Variants in STXBP5L observed in about 807,000 individuals in gnomAD.
STXBP5L encodes the protein syntaxin-binding protein 5-like.
A neutral mutation model predicts 144.5 loss-of-function variants in STXBP5L; 65 were observed. That is an observed-to-expected ratio of 0.45 (90% confidence interval 0.37 to 0.55). STXBP5L has a LOEUF of 0.55. Ranked by LOEUF, STXBP5L falls within the 20% of genes least tolerant of loss-of-function variation. STXBP5L has a pLI of 0.00. For missense variants in STXBP5L, 1,298 were observed against 1,405.5 expected (o/e 0.92, Z 1.22); for synonymous variants, 505 against 469.6 (o/e 1.08, Z -0.97).
chr3:121,090,635 G>C (rs969243779), intron 5 of STXBP5L, among the ~76,000 whole-genome samples: 2 of 152,060 alleles, frequency 1.3e-5, no homozygotes, highest in Admixed American at 1.3e-4. Flanking sequence ...ATACAGATCT[G>C]AATTGTCTAA....
At chr3:121,355,077 CT>C (rs2045455064) in intron 20 of STXBP5L, among the ~76,000 whole-genome samples, 1 of 152,174 alleles carries the variant, frequency 6.6e-6, no homozygotes, top group Non-Finnish European at 1.5e-5. Flanking sequence ...GATGGGCTTT[CT>C]TTTGTGGGTA....
chr3:121,283,192 A>G (rs578072538), intron 19 of STXBP5L, among the ~76,000 whole-genome samples: 5 of 152,158 alleles, frequency 3.3e-5, no homozygotes, highest in African/African-American at 1.2e-4. Context: ...ACACTCACAC[A>G]TATATGTTGT....
chr3:121,338,166 C>G (rs2044571993), intron 20 of STXBP5L, among the ~76,000 whole-genome samples: 1 of 151,902 alleles, frequency 6.6e-6, no homozygotes, highest in African/African-American at 2.4e-5. Flanking sequence ...AAGAACAAAC[C>G]AAACCCAAAG....
chr3:121,028,879 G>A (rs988066825), intron 3 of STXBP5L, among the ~76,000 whole-genome samples: 9 of 151,922 alleles, frequency 5.9e-5, no homozygotes, highest in Non-Finnish European at 1.5e-5. Flanking sequence ...GCTAACAATA[G>A]AAACTAGTTG....
At chr3:121,413,124 CATATG>C in intron 23 of STXBP5L, 29 bp from the exon 24 acceptor site, 4 of 1,498,378 alleles carry the variant, frequency 2.7e-6, no homozygotes, top group African/African-American at 1.4e-5. Context: ...TAACAACCTG[CATATG>C]ATATATGGAT....
chr3:120,978,654 A>T (rs1022983807), intron 3 of STXBP5L, among the ~76,000 whole-genome samples: 3 of 132,434 alleles, frequency 2.3e-5, no homozygotes, highest in Non-Finnish European at 5.1e-5. Context: ...TTCTGCTCTG[A>T]TTTTTCCCCA....
At chr3:121,023,103 A>G (rs950364418) in intron 3 of STXBP5L, among the ~76,000 whole-genome samples, 7 of 152,158 alleles carry the variant, frequency 4.6e-5, no homozygotes, top group Non-Finnish European at 1.5e-5. Context: ...CTATACACCA[A>G]CAGTTACCAA....
chr3:120,968,969 A>T (rs1022743464), intron 3 of STXBP5L, among the ~76,000 whole-genome samples: 1 of 151,984 alleles, frequency 6.6e-6, no homozygotes, highest in Non-Finnish European at 1.5e-5. Flanking sequence ...TTAGTTCCAT[A>T]TCTTTGCAAT....
At chr3:120,971,764 G>A (rs1265280174) in intron 3 of STXBP5L, among the ~76,000 whole-genome samples, 1 of 130,978 alleles carries the variant, frequency 7.6e-6, no homozygotes, top group Non-Finnish European at 1.6e-5. Flanking sequence ...TTTTATATAT[G>A]TGTATATATG....
intron 20 of STXBP5L, among the ~76,000 whole-genome samples, chr3:121,346,151 G>C (rs980047465): frequency 1.5e-5 from 2 of 137,456 alleles, no homozygotes; most frequent in Non-Finnish European, 3.0e-5. Flanking sequence ...TTCCCTTCCT[G>C]TGTCCATGTG....
At chr3:120,917,609 C>A (rs1451804684) in intron 2 of STXBP5L, among the ~76,000 whole-genome samples, 2 of 151,912 alleles carry the variant, frequency 1.3e-5, no homozygotes, top group African/African-American at 2.4e-5. Context: ...GGGGAGGAAC[C>A]CTTCAGGATA....
chr3:120,933,070 T>C (rs1338525581), intron 2 of STXBP5L, among the ~76,000 whole-genome samples: 1 of 146,540 alleles, frequency 6.8e-6, no homozygotes, highest in Non-Finnish European at 1.5e-5. Context: ...GGGGGAGGGA[T>C]AGCATTAGGA....
chr3:121,114,931 T>G lies in STXBP5L; in HGVS notation c.477T>G (p.Thr159=), dbSNP rs561449183. 4.6e-6 allele frequency: 7 copies of G among 1,527,576 alleles called. No homozygotes were observed. Among genetic ancestry groups the G allele is most frequent in the African/African-American group, 1.4e-5 (1 of 71,040 alleles). The allele number at this position is 1,527,576 out of a possible 1,614,324, so 94.6% of individuals were successfully genotyped here. A position where few individuals can be genotyped will look rare whatever the true frequency, so the allele number is the denominator to read the frequency against. ...HSLKFNRERI[T]YCHLPFQSKW... is the part of the protein sequence containing the mutation. The stretch of plus-strand genomic sequence containing the variant: ...ATAATTTTCTTTCTTTCAGAATTAC[T>G]TACTGTCATCTACCTTTCCAGAGTA... The change falls in exon 6 of 27, where the codon ACT becomes ACG. Residue 159 remains threonine, a synonymous_variant. Coordinates refer to ENST00000471454, the MANE Select transcript of STXBP5L (RefSeq NM_001308330.2).
intron 20 of STXBP5L, among the ~76,000 whole-genome samples, chr3:121,347,576 C>T (rs1402030701): frequency 2.0e-5 from 3 of 152,130 alleles, no homozygotes. Context: ...GATATTGATT[C>T]TTCCTACCCA....
rs941270840 is a variant in STXBP5L at position 121,300,153 on chromosome 3, A to G, written c.2111-18322A>G. ...TTTTCCATCAGAAATAATTGAAGCT[A>G]GAGACAACATAATGACGTCTTTTAA... On this transcript the variant is annotated intron_variant, in intron 19 of 26. Coordinates refer to ENST00000471454, the MANE Select transcript of STXBP5L (RefSeq NM_001308330.2). Among the ~76,000 whole-genome samples, 4 of 152,248 alleles carry G rather than the reference A, an allele frequency of 2.6e-5. No homozygotes were observed. In the South Asian group the frequency reaches 8.3e-4, roughly 32 times the overall value.
chr3:121,211,691 GC>G (rs1203370293), intron 10 of STXBP5L, among the ~76,000 whole-genome samples: 1 of 145,736 alleles, frequency 6.9e-6, no homozygotes, highest in African/African-American at 2.6e-5. Flanking sequence ...CGATTCTCCT[GC>G]CCCAGCGTCC....
intron 18 of STXBP5L, among the ~76,000 whole-genome samples, chr3:121,274,621 G>GC (rs2050826061): frequency 6.6e-6 from 1 of 152,234 alleles, no homozygotes; most frequent in African/African-American, 2.4e-5. Context: ...CAGCCATGAA[G>GC]CCAGGGCTCT....
chr3:120,982,219 G>T (rs1941847405), intron 3 of STXBP5L, among the ~76,000 whole-genome samples: 1 of 152,118 alleles, frequency 6.6e-6, no homozygotes, highest in Admixed American at 6.5e-5. Context: ...TTACTGGGAG[G>T]TGCTCTCTGT....
chr3:121,045,565 A>G, intron 5 of STXBP5L, 30 bp downstream of exon 5: 1 of 1,576,752 alleles, frequency 6.3e-7, no homozygotes, highest in Non-Finnish European at 8.6e-7. Context: ...ACAATTTCTT[A>G]ATGTACAACA....
Sources: gnomAD v4.1 joint callset for allele counts (sites outside exome capture counted in the v4.1 genomes callset) on GRCh38, gnomAD v4.1.1 for gene constraint, MANE v1.5 for transcripts, NCBI Gene and HGNC (gene_info 2026-07-23, HGNC 2026-07-21) for gene names.